Variants in SLC12A6 observed in about 807,000 individuals in gnomAD.
SLC12A6 encodes the protein K-Cl cotransporter 3.
In SLC12A6, 66 loss-of-function variants were observed where a neutral mutation model predicts 135.3. The ratio of observed to expected loss-of-function variants is 0.49; its 90% CI spans 0.40 to 0.60. The LOEUF (loss-of-function observed/expected upper bound fraction) is 0.60. Ranked by LOEUF, SLC12A6 falls within the 20% of genes least tolerant of loss-of-function variation. The pLI, the probability that SLC12A6 is intolerant of heterozygous loss-of-function variation, is 0.00. For missense variants in SLC12A6, 1,058 were observed against 1,452.3 expected (o/e 0.73, Z 4.41); for synonymous variants, 513 against 508.8 (o/e 1.01, Z -0.11).
At chr15:34,254,310 C>G in intron 9 of SLC12A6, 38 bp downstream of exon 9, 1 of 1,583,392 alleles carries the variant, frequency 6.3e-7, no homozygotes. Flanking sequence ...TCAATTACTA[C>G]CCAATAAGGA....
At chr15:34,260,829 C>T (rs992689490) in intron 4 of SLC12A6, 97 bp downstream of exon 4, 8 of 706,764 alleles carry the variant, frequency 1.1e-5, no homozygotes, top group African/African-American at 3.6e-5. Flanking sequence ...TTAAATTATC[C>T]AGCTTGTAAA....
chr15:34,245,298 G>A lies in SLC12A6; in HGVS notation c.1930C>T (p.Pro644Ser). The change falls in exon 15 of 26, where the codon CCA becomes TCA. Residue 644 changes from proline (P) to serine (S), a missense_variant. Around this residue, in one of 6 missense-constraint regions of SLC12A6, gnomAD observed 170 missense variants for 297.6 expected, o/e 0.57. Transcript: ENST00000354181. Reference protein sequence around the residue: ...ILIASLDLVAPILSMFFLMCY... With the variant: ...ILIASLDLVASILSMFFLMCY... ...ACTGGCTCTTACATGGAAAGAATTG[G>A]GGCCACAAGATCCAGGGAGGCAATG... The A allele has an allele frequency of 6.4e-7, 1 of 1,573,148 alleles. No homozygotes were observed. Among genetic ancestry groups the A allele is most frequent in the Non-Finnish European group, 8.8e-7 (1 of 1,142,504 alleles).
At chr15:34,263,464 A>G (rs1180922682) in intron 3 of SLC12A6, among the ~76,000 whole-genome samples, 1 of 152,154 alleles carries the variant, frequency 6.6e-6, no homozygotes, top group East Asian at 1.9e-4. Flanking sequence ...TCATTTAACT[A>G]TTATTTTTGT....
In SLC12A6 at chr15:34,261,171, A is replaced by C. The variant is rs900831130; in HGVS notation, c.317-151T>G. On this transcript the variant is annotated intron_variant, in intron 3 of 25. Transcript: ENST00000354181. ...GAACTCAATCAGCACTGCTTGGAGA[A>C]TATGGAACAAAATAAAACTCTCCAG... 6.3e-6 allele frequency: 4 copies of C among 637,986 alleles called. No individual in the cohort carries two copies. In the Admixed American group the frequency reaches 8.1e-5, roughly 13 times the overall value. The allele number at this position is 637,986 out of a possible 1,614,324, so 39.5% of individuals were successfully genotyped here.
chr15:34,283,755 C>CA (rs762337083), intron 2 of SLC12A6, among the ~76,000 whole-genome samples: 4 of 144,322 alleles, frequency 2.8e-5, no homozygotes, highest in Non-Finnish European at 6.0e-5. Flanking sequence ...GAAAGGTTAG[C>CA]ATTTTTTTTT....
intron 5 of SLC12A6, 166 bp from the exon 6 acceptor site, chr15:34,257,954 G>T (rs1892865975): frequency 8.2e-6 from 5 of 610,956 alleles, no homozygotes; most frequent in Non-Finnish European, 1.4e-5. Context: ...CATCTTTCAA[G>T]TGTTTATCAC....
At chr15:34,280,992 C>G (rs1241316224) in intron 2 of SLC12A6, among the ~76,000 whole-genome samples, 1 of 151,940 alleles carries the variant, frequency 6.6e-6, no homozygotes, top group Non-Finnish European at 1.5e-5. Context: ...AAGTTGATCT[C>G]ATAGATGTAA....
intron 3 of SLC12A6, among the ~76,000 whole-genome samples, chr15:34,270,045 A>C (rs1893808849): frequency 6.7e-6 from 1 of 149,028 alleles, no homozygotes; most frequent in African/African-American, 2.6e-5. Flanking sequence ...GGTTCAGTTA[A>C]AAACAGGACG....
At chr15:34,273,154 C>T (rs140634824) in intron 3 of SLC12A6, among the ~76,000 whole-genome samples, 1,816 of 152,208 alleles carry the variant, frequency 0.012, 15 homozygotes, top group Middle Eastern at 0.037. Flanking sequence ...AGTTCGAGAC[C>T]AGCCTGACCA....
chr15:34,236,122 G>T lies in SLC12A6; in HGVS notation c.3120C>A (p.Thr1040=). The change falls in exon 24 of 26, where the codon ACC becomes ACA. Residue 1040 remains threonine (T), a synonymous_variant. Transcript: ENST00000354181. ...AAGTCATGTGCACCTTCTCCTGATA[G>T]GTTTCTGTCTCTTCGTCCTCATCAG... is the stretch of plus-strand genomic sequence containing the variant. ...IGSDEDEETE[T]YQEKVHMTWT... The T allele has an allele frequency of 1.9e-6, 3 of 1,613,642 alleles. No homozygotes were observed. The South Asian group carries it at 3.3e-5, about 18-fold the overall frequency.
intron 2 of SLC12A6, among the ~76,000 whole-genome samples, chr15:34,325,699 T>A (rs1889413391): frequency 6.6e-6 from 1 of 151,874 alleles, no homozygotes; most frequent in Non-Finnish European, 1.5e-5. Context: ...AGGCAAAGAG[T>A]TCTCCAAGTT....
At chr15:34,308,120 C>G (rs1451844618) in intron 2 of SLC12A6, among the ~76,000 whole-genome samples, 1 of 152,052 alleles carries the variant, frequency 6.6e-6, no homozygotes, top group Non-Finnish European at 1.5e-5. Context: ...AAATATCTTA[C>G]CTACCTTCAG....
At chr15:34,299,063 A>G (rs1357757415) in intron 2 of SLC12A6, among the ~76,000 whole-genome samples, 3 of 152,170 alleles carry the variant, frequency 2.0e-5, no homozygotes, top group Non-Finnish European at 4.4e-5. Context: ...TTTGTAATCT[A>G]CATCATGTGT....
intron 2 of SLC12A6, among the ~76,000 whole-genome samples, chr15:34,326,573 C>A (rs1367800085): frequency 2.0e-5 from 3 of 152,172 alleles, no homozygotes; most frequent in African/African-American, 7.2e-5. Flanking sequence ...TAACTCAGCA[C>A]TACTACACTG....
At chr15:34,237,365 CAGGG>C in intron 22 of SLC12A6, 50 bp downstream of exon 22, 1 of 1,535,390 alleles carries the variant, frequency 6.5e-7, no homozygotes, top group Non-Finnish European at 9.0e-7. Context: ...TCAAGGAAGA[CAGGG>C]AGAGGAATGG....
chr15:34,298,249 G>T (rs986000608), intron 2 of SLC12A6, among the ~76,000 whole-genome samples: 1 of 152,100 alleles, frequency 6.6e-6, no homozygotes, highest in Admixed American at 6.5e-5. Flanking sequence ...GGCCGAGGCA[G>T]GTGGATCACA....
intron 7 of SLC12A6, 101 bp downstream of exon 7, chr15:34,256,128 C>A: frequency 1.3e-6 from 1 of 789,596 alleles, no homozygotes; most frequent in Non-Finnish European, 2.3e-6. Context: ...CAGAACAGAC[C>A]AAATAGTATT....
chr15:34,319,284 T>C (rs1189138020), intron 2 of SLC12A6, among the ~76,000 whole-genome samples: 1 of 151,612 alleles, frequency 6.6e-6, no homozygotes, highest in Non-Finnish European at 1.5e-5. Flanking sequence ...TACAGACATG[T>C]GCCACCATGC....
At chr15:34,246,506 A>T (rs977379984) in intron 13 of SLC12A6, among the ~76,000 whole-genome samples, 1 of 152,184 alleles carries the variant, frequency 6.6e-6, no homozygotes, top group East Asian at 1.9e-4. Flanking sequence ...GCTATGAATA[A>T]AAATTTGTAG....
Sources: allele counts gnomAD v4.1 joint callset (sites outside exome capture counted in the v4.1 genomes callset), GRCh38; gene constraint gnomAD v4.1.1; regional missense constraint gnomAD v4.1.1; transcripts MANE v1.5; gene names NCBI Gene and HGNC (gene_info 2026-07-23, HGNC 2026-07-21).